The following ECM2 variants were observed in gnomAD, a reference collection of about 807,000 sequenced individuals.
ECM2 encodes extracellular matrix protein 2, female organ and adipocyte specific.
Under a neutral mutation model 67.5 loss-of-function variants are expected in ECM2, and 57 were observed. That is an observed-to-expected ratio of 0.84 (90% CI 0.68 to 1.05). The LOEUF is 1.05. Among genes scored for constraint, ECM2 ranks in the 50% least tolerant of loss-of-function variants. The pLI, the probability that ECM2 is intolerant of heterozygous loss-of-function variation, is 0.00. For missense variants in ECM2, 741 were observed against 822.8 expected, an observed-to-expected ratio of 0.90 and a Z score of 1.22; for synonymous variants, 258 against 294.5, an observed-to-expected ratio of 0.88 and a Z score of 1.27.
intron 1 of ECM2, among the ~76,000 whole-genome samples, chr9:92,525,233 A>C (rs1304076541): frequency 6.6e-6 from 1 of 151,968 alleles, no homozygotes; most frequent in East Asian, 1.9e-4. Context: ...CAGGAGGCTC[A>C]CTTGAGCCCA....
chr9:92,536,571 G>A (rs1849175445), upstream of ECM2: 1 of 152,772 alleles, frequency 6.5e-6, no homozygotes, highest in Non-Finnish European at 1.5e-5. Flanking sequence ...GAAAGAAAAT[G>A]TGAAAGGGAG....
At position 92,500,787 on chromosome 9, in the gene ECM2, G is replaced by A. The variant is rs752368753; in HGVS notation, c.1871C>T (p.Pro624Leu). The change falls in exon 9 of 10, where the codon CCA becomes CTA. Residue 624 changes from proline to leucine, a missense_variant. Transcript: ENST00000344604. ...FLDHNDLKSIPPGIQEMKALH... is the reference protein window; with the variant it reads ...FLDHNDLKSILPGIQEMKALH... ...TGCTTTCATTTCTTGTATCCCAGGT[G>A]GTATAGATTTTAAGTCATTGTGATC... 9 of 1,614,104 alleles carry A rather than the reference G, an allele frequency of 5.6e-6. No homozygotes were observed. The highest frequency in any genetic ancestry group is 5.5e-5 in the South Asian group (5 of 91,070).
chr9:92,525,069 T>C (rs960534043), intron 1 of ECM2, among the ~76,000 whole-genome samples: 9 of 152,052 alleles, frequency 5.9e-5, no homozygotes, highest in African/African-American at 1.7e-4. Flanking sequence ...CCCAGCCCTA[T>C]AGGAGGCCGA....
At chr9:92,544,746 G>A in the ECM2 span, among the ~76,000 whole-genome samples, 5 of 137,424 alleles carry the variant, frequency 3.6e-5, no homozygotes, top group Admixed American at 8.2e-5. Flanking sequence ...TTGGAGTTTC[G>A]CTGTTGTTGC....
At chr9:92,524,640 T>C (rs1319413693) in intron 1 of ECM2, among the ~76,000 whole-genome samples, 1 of 152,194 alleles carries the variant, frequency 6.6e-6, no homozygotes. Flanking sequence ...GTCCACTCAC[T>C]GTCAGTGTTT....
the ECM2 span, among the ~76,000 whole-genome samples, chr9:92,557,116 G>A: frequency 6.6e-6 from 1 of 152,244 alleles, no homozygotes; most frequent in African/African-American, 2.4e-5. Context: ...CAAAATTATT[G>A]GCTGATAATT....
At chr9:92,496,576 T>G in intron 9 of ECM2, 93 bp from the exon 10 acceptor site, 1 of 1,502,844 alleles carries the variant, frequency 6.7e-7, no homozygotes, top group South Asian at 1.3e-5. Flanking sequence ...AATTTTGTTC[T>G]TAAAATAAAG....
At chr9:92,526,887 G>A (rs1216614065) in intron 1 of ECM2, among the ~76,000 whole-genome samples, 5 of 152,104 alleles carry the variant, frequency 3.3e-5, no homozygotes, top group Non-Finnish European at 7.4e-5. Flanking sequence ...TGACTCACCG[G>A]AGTGACTTCC....
chr9:92,540,758 A>C (rs1019054949), upstream of ECM2, among the ~76,000 whole-genome samples: 1 of 142,742 alleles, frequency 7.0e-6, no homozygotes, highest in Non-Finnish European at 1.5e-5. Context: ...GCAACAGAGC[A>C]CGACTCTGTC....
At chr9:92,553,206 A>T in the ECM2 span, among the ~76,000 whole-genome samples, 16 of 152,138 alleles carry the variant, frequency 1.1e-4, no homozygotes, top group Non-Finnish European at 2.1e-4. Context: ...GCTTTGTCGA[A>T]GATCAGTTGG....
intron 1 of ECM2, among the ~76,000 whole-genome samples, chr9:92,534,473 C>T (rs1043288952): frequency 6.6e-6 from 1 of 152,138 alleles, no homozygotes; most frequent in Non-Finnish European, 1.5e-5. Flanking sequence ...CTTTCTTCAG[C>T]GTATATATAC....
At chr9:92,506,132 T>G (rs543994068) in intron 6 of ECM2, among the ~76,000 whole-genome samples, 1 of 152,314 alleles carries the variant, frequency 6.6e-6, no homozygotes, top group African/African-American at 2.4e-5. Flanking sequence ...GGCAGCATAA[T>G]AGGCAATGGG....
chr9:92,511,327 A>G (rs1439933948), intron 5 of ECM2, among the ~76,000 whole-genome samples: 2 of 150,636 alleles, frequency 1.3e-5, no homozygotes, highest in Non-Finnish European at 2.9e-5. Context: ...GGGTTTCACC[A>G]TGTTGGCCAG....
rs781597469 is a variant in ECM2, at chr9:92,522,733, T to G, written c.134A>C (p.His45Pro). Residue 45 changes from histidine (H) to proline (P), a missense_variant, in exon 2 of 10, where the codon CAC (histidine) becomes CCC (proline). By Grantham distance (77) the His-to-Pro change is moderately conservative. Transcript: ENST00000344604. ...AAGCTGTCTGTTTGATCTGTGCTTG[T>G]GTGAGGTTGAACTTTTCCTCAACCT... The part of the protein sequence containing the change: ...HRRLRKSSTS[H>P]KHRSNRQLGI... The G allele has an allele frequency of 1.9e-6, 3 of 1,614,192 alleles. No homozygotes were observed. Among genetic ancestry groups the G allele is most frequent in the Non-Finnish European group, 2.5e-6 (3 of 1,180,028 alleles).
chr9:92,531,804 T>G (rs1239262644), intron 1 of ECM2, among the ~76,000 whole-genome samples: 1 of 152,092 alleles, frequency 6.6e-6, no homozygotes, highest in Non-Finnish European at 1.5e-5. Context: ...TTCTAATAAT[T>G]CCTTTTGTGC....
chr9:92,506,369 G>T (rs964950014), intron 6 of ECM2, among the ~76,000 whole-genome samples: 1 of 151,934 alleles, frequency 6.6e-6, no homozygotes, highest in African/African-American at 2.4e-5. Flanking sequence ...AGCAAGAAAG[G>T]CCTTTATACA....
chr9:92,494,212 C>T, downstream of ECM2: 1 of 1,533,094 alleles, frequency 6.5e-7, no homozygotes, highest in Admixed American at 1.7e-5. Context: ...CTGTGTCATC[C>T]CAAGATGCTA....
the ECM2 span, among the ~76,000 whole-genome samples, chr9:92,542,928 C>T: frequency 1.3e-5 from 2 of 152,180 alleles, no homozygotes; most frequent in African/African-American, 4.8e-5. Context: ...CATTCTTTTA[C>T]ATGTGGATAT....
the ECM2 span, among the ~76,000 whole-genome samples, chr9:92,552,159 CATATATATGTGATATGATAGATCTATCAT>C: frequency 4.0e-4 from 55 of 136,222 alleles, no homozygotes; most frequent in Admixed American, 8.0e-4. Flanking sequence ...ATAGATCTAT[CATATATATGTGATATGATAGATCTATCAT>C]ATACACACAC....
Sources: allele counts gnomAD v4.1 joint callset (sites outside exome capture counted in the v4.1 genomes callset), GRCh38; gene constraint gnomAD v4.1.1; transcripts MANE v1.5; gene names NCBI Gene and HGNC (gene_info 2026-07-23, HGNC 2026-07-21).